Variants in AKAP9 observed in about 807,000 individuals in gnomAD.
The protein encoded by AKAP9 is A-kinase anchor protein 9.
AKAP9 carries 311 observed loss-of-function variants against 488.5 expected under a neutral mutation model. The observed-to-expected ratio is 0.64, with a 90% CI of 0.58 to 0.70. The LOEUF (loss-of-function observed/expected upper bound fraction) is 0.70, where lower values mean the gene tolerates loss of function less well. Among genes scored for constraint, AKAP9 ranks in the 30% least tolerant of loss-of-function variants. The pLI, the probability that AKAP9 is intolerant of heterozygous loss-of-function variation, is 0.00. For synonymous variants in AKAP9, 1,462 were observed against 1,483.5 expected (o/e 0.99, Z 0.33); for missense variants, 4,215 against 4,374.5 (o/e 0.96, Z 1.03).
At chr7:92,049,482 G>C (rs1031384851) in intron 21 of AKAP9, among the ~76,000 whole-genome samples, 1 of 151,992 alleles carries the variant, frequency 6.6e-6, no homozygotes, top group Non-Finnish European at 1.5e-5. Context: ...GTGGTGGTGG[G>C]CGCCTGTAGT....
At chr7:92,087,459 A>G (rs1814753267) in intron 37 of AKAP9, among the ~76,000 whole-genome samples, 1 of 152,234 alleles carries the variant, frequency 6.6e-6, no homozygotes, top group Admixed American at 6.5e-5. Flanking sequence ...GGTGAAATGG[A>G]CAGATTTTCT....
chr7:92,098,572 CTT>C (rs1352576960), intron 43 of AKAP9, among the ~76,000 whole-genome samples: 1 of 152,176 alleles, frequency 6.6e-6, no homozygotes, highest in Non-Finnish European at 1.5e-5. Context: ...CAGTTTATCT[CTT>C]GACTTCTTTG....
chr7:91,956,427 A>G (rs1793021519), intron 1 of AKAP9, among the ~76,000 whole-genome samples: 1 of 149,994 alleles, frequency 6.7e-6, no homozygotes, highest in South Asian at 2.1e-4. Context: ...AAAAGTAGAG[A>G]TGGGATTTCT....
At chr7:92,041,045 A>G (rs1806023749) in intron 18 of AKAP9, 147 bp downstream of exon 18, 7 of 658,226 alleles carry the variant, frequency 1.1e-5, no homozygotes, top group Non-Finnish European at 1.8e-5. Flanking sequence ...AACTACATAT[A>G]TTTAGCATCA....
chr7:91,992,676 A>C (rs1797914837), intron 4 of AKAP9, among the ~76,000 whole-genome samples: 1 of 143,930 alleles, frequency 6.9e-6, no homozygotes, highest in Admixed American at 7.1e-5. Flanking sequence ...AAAAAAAAAA[A>C]AAAAAAAAAC....
intron 17 of AKAP9, among the ~76,000 whole-genome samples, chr7:92,039,627 T>G (rs1305255884): frequency 1.3e-5 from 2 of 152,188 alleles, no homozygotes; most frequent in African/African-American, 2.4e-5. Context: ...ATTAAAATTT[T>G]TTATTAATAT....
chr7:92,004,330 A>G (rs1799536147), intron 8 of AKAP9, among the ~76,000 whole-genome samples: 1 of 152,128 alleles, frequency 6.6e-6, no homozygotes, highest in African/African-American at 2.4e-5. Flanking sequence ...GTTTTTTCCA[A>G]TTCTGTGAAG....
chr7:91,993,151 T>A lies in AKAP9; in HGVS notation c.576+96T>A, dbSNP rs535127268. On this transcript the variant is annotated intron_variant, in intron 5 of 49. Transcript: ENST00000356239. The stretch of plus-strand genomic sequence containing the variant: ...GTCTTTAAAGATGGGGTTTTTAAAA[T>A]TTTTTTTTAACTTTTTTCTTTTCTT... 9.3e-4 allele frequency: 1,206 copies of A among 1,300,378 alleles called. 20 individuals carry two copies. The South Asian group carries it at 0.014, about 16-fold the overall frequency. The allele number at this position is 1,300,378 out of a possible 1,614,324, so 80.6% of individuals were successfully genotyped here. A position where few individuals can be genotyped will look rare whatever the true frequency, so the allele number is the denominator to read the frequency against.
Position 92,085,706 on chromosome 7 carries a change from C to G in AKAP9, c.9024+20C>G. The stretch of plus-strand genomic sequence containing the variant: ...GCCGAGGTAACCAAAGAATACTATG[C>G]ATTTAAATCATTTTATGTATTATTT... On this transcript the variant is annotated intron_variant, in intron 36 of 49. Transcript: ENST00000356239. The G allele has an allele frequency of 6.5e-7, 1 of 1,530,398 alleles. No individual in the cohort carries two copies. 94.8% of individuals were successfully genotyped at this position (1,530,398 alleles called of 1,614,324 possible).
Position 92,049,525 on chromosome 7 carries a change from G to T in AKAP9, c.5369-3201G>T, listed in dbSNP as rs113266698. On this transcript the variant is annotated intron_variant, in intron 21 of 49. Transcript: ENST00000356239. ...ACTTGGGAGGCTAAGGCAAGAGAAT[G>T]ACGTGAACCCCGGAGGCGGAGCTTT... 3.3e-5 allele frequency among the ~76,000 whole-genome samples: 5 copies of T among 152,160 alleles called. 1 individual carries two copies. The highest frequency in any genetic ancestry group is 1.2e-4 in the African/African-American group (5 of 41,532).
chr7:92,031,470 TA>T (rs1328326832), intron 15 of AKAP9, 41 bp from the exon 16 acceptor site: 1 of 1,349,768 alleles, frequency 7.4e-7, no homozygotes, highest in East Asian at 2.3e-5. Flanking sequence ...AAGTGGTGTA[TA>T]ATTAATGTAA....
intron 14 of AKAP9, among the ~76,000 whole-genome samples, chr7:92,025,370 T>C (rs1170144995): frequency 6.6e-6 from 1 of 152,212 alleles, no homozygotes; most frequent in Non-Finnish European, 1.5e-5. Context: ...GGCCTTTGAA[T>C]GAAAATCATT....
chr7:92,035,058 T>G (rs1032988923), intron 16 of AKAP9, among the ~76,000 whole-genome samples: 1 of 152,254 alleles, frequency 6.6e-6, no homozygotes, highest in Non-Finnish European at 1.5e-5. Flanking sequence ...TTCTAATGTA[T>G]GCATTTAATG....
At position 92,082,078 on chromosome 7, in the gene AKAP9, G is replaced by A. The variant is rs1425254074; in HGVS notation, c.8020-444G>A. 2.0e-5 allele frequency among the ~76,000 whole-genome samples: 3 copies of A among 151,974 alleles called. No homozygotes were observed. In the East Asian group the frequency reaches 5.8e-4, roughly 29 times the overall value. On this transcript the variant is annotated intron_variant, in intron 31 of 49. Transcript: ENST00000356239. The stretch of plus-strand genomic sequence containing the variant: ...CCCTCCTGAGCAGCTGGGACTACAG[G>A]TGTGCACCACAACACCTGGCTAATT...
chr7:92,032,352 C>T (rs184490912), intron 16 of AKAP9, among the ~76,000 whole-genome samples: 63 of 151,998 alleles, frequency 4.1e-4, no homozygotes, highest in East Asian at 1.9e-4. Context: ...CAAAATTAGC[C>T]GGGCGTGGTG....
chr7:92,041,041 A>G, intron 18 of AKAP9, 143 bp downstream of exon 18: 5 of 670,458 alleles, frequency 7.5e-6, no homozygotes. Context: ...AATAAACTAC[A>G]TATATTTAGC....
At chr7:92,093,405 T>TG (rs1380367302) in intron 39 of AKAP9, 89 bp downstream of exon 39, 2 of 1,123,118 alleles carry the variant, frequency 1.8e-6, no homozygotes, top group East Asian at 5.0e-5. Context: ...AAATGTAACA[T>TG]GCATGATATT....
chr7:91,989,902 T>A (rs1206261634), intron 3 of AKAP9, among the ~76,000 whole-genome samples: 2 of 152,100 alleles, frequency 1.3e-5, no homozygotes, highest in African/African-American at 4.8e-5. Flanking sequence ...ACCACAAGGA[T>A]GAGTTTTTAT....
chr7:92,086,925 T>C (rs1584495313), intron 37 of AKAP9, among the ~76,000 whole-genome samples: 2 of 152,168 alleles, frequency 1.3e-5, no homozygotes, highest in African/African-American at 4.8e-5. Flanking sequence ...GACACACATA[T>C]TTTCTCCTTA....
Sources: gnomAD v4.1 joint callset for allele counts (sites outside exome capture counted in the v4.1 genomes callset) on GRCh38, gnomAD v4.1.1 for gene constraint, MANE v1.5 for transcripts, NCBI Gene and HGNC (gene_info 2026-07-23, HGNC 2026-07-21) for gene names.